Variants in PRKCG observed in about 807,000 individuals in gnomAD.
PRKCG encodes the protein protein kinase C gamma, also known as protein kinase C gamma type.
In PRKCG, 28 loss-of-function variants were observed where a neutral mutation model predicts 82.0. That is an observed-to-expected ratio of 0.34 (90% confidence interval 0.25 to 0.47). The LOEUF (loss-of-function observed/expected upper bound fraction) is 0.47. Among genes scored for constraint, PRKCG ranks in the 20% least tolerant of loss-of-function variants. The pLI, the probability that PRKCG is intolerant of heterozygous loss-of-function variation, is 1.00. For missense variants in PRKCG, 640 were observed against 952.7 expected (o/e 0.67, Z 4.32); for synonymous variants, 383 against 376.6 (o/e 1.02, Z -0.20).
Position 53,900,352 on chromosome 19 carries a change from G to A in PRKCG, c.1373+28G>A. On this transcript the variant is annotated intron_variant, in intron 12 of 17. Transcript: ENST00000263431. This position sits in a 1 kb window ranked among gnomAD's most constrained non-coding sequence, Gnocchi z 4.2. ...GAGTCTCGGCCAACAGAGAATGGTC[G>A]GGGTGGTGGAAGGGGGCAGGATCCA... 1.9e-6 allele frequency: 3 copies of A among 1,613,896 alleles called. No homozygotes were observed. The highest frequency in any genetic ancestry group is 1.7e-6 in the Non-Finnish European group (2 of 1,179,876).
rs764834047 is a variant in PRKCG, at chr19:53,898,004, C to T, written c.985C>T (p.Pro329Ser). 6.2e-7 allele frequency: 1 copy of T among 1,614,170 alleles called. No individual in the cohort carries two copies. The highest frequency in any genetic ancestry group is 2.2e-5 in the East Asian group (1 of 44,860). Residue 329 changes from proline (P) to serine (S), a missense_variant, in exon 10 of 18, where the codon CCT becomes TCT. By Grantham distance (74) the Pro-to-Ser change is moderately conservative. This residue lies in a region of PRKCG where 261 missense variants were observed against 312.1 expected (regional missense o/e 0.84). Transcript: ENST00000263431. The stretch of plus-strand genomic sequence containing the variant: ...TTCCTCTCCCATCCCCTCCCCTTCC[C>T]CTAGTCCCACCGACCCCAAGCGCTG... The part of the protein sequence containing the change: ...PSSSPIPSPS[P>S]SPTDPKRCFF...
chr19:53,887,702 C>T (rs1255413012), intron 3 of PRKCG, among the ~76,000 whole-genome samples: 4 of 150,150 alleles, frequency 2.7e-5, no homozygotes, highest in Admixed American at 1.3e-4. Flanking sequence ...CGGTGGCACG[C>T]GCCTGTAGTC....
rs775116364 is a variant in PRKCG, at chr19:53,884,128, C to T, written c.203-33C>T. The T allele has an allele frequency of 1.2e-6, 2 of 1,608,764 alleles. No homozygotes were observed. Among genetic ancestry groups the T allele is most frequent in the Admixed American group, 1.7e-5 (1 of 60,008 alleles). On this transcript the variant is annotated intron_variant, in intron 2 of 17. Coordinates refer to ENST00000263431, the MANE Select transcript of PRKCG (RefSeq NM_002739.5). The surrounding 1 kb of genome is among the most constrained non-coding windows in gnomAD (Gnocchi z 4.6). Reference sequence around the variant, plus strand: ...GGTCTCCCGCTGGACTAATCCATGCCTCCGTCTGTGTCTCTATGATTTTCA... The same window carrying T: ...GGTCTCCCGCTGGACTAATCCATGCTTCCGTCTGTGTCTCTATGATTTTCA...
rs376704133 is a variant in PRKCG, at chr19:53,893,032, C to A, written c.866C>A (p.Pro289Gln). 4.1e-5 allele frequency: 66 copies of A among 1,613,938 alleles called. No homozygotes were observed. The highest frequency in any genetic ancestry group is 5.3e-5 in the Non-Finnish European group (63 of 1,180,018). The change falls in exon 8 of 18, where the codon CCG becomes CAG. Residue 289 changes from proline (P) to glutamine (Q), a missense_variant. Coordinates refer to ENST00000263431, the MANE Select transcript of PRKCG (RefSeq NM_002739.5). ...NQEEGEYYNV[P>Q]VADADNCSLL... ...GAGGAGGGCGAGTATTACAATGTGC[C>A]GGTGGCCGATGCTGACAACTGCAGC...
At chr19:53,903,192 G>C in intron 15 of PRKCG, 39 bp downstream of exon 15, 1 of 1,527,630 alleles carries the variant, frequency 6.5e-7, no homozygotes, top group Non-Finnish European at 9.1e-7. Flanking sequence ...GGCTAAAAGA[G>C]ACAGAGAGGG....
At position 53,892,926 on chromosome 19, in the gene PRKCG, T is replaced by G. The variant is rs2068690256; in HGVS notation, c.822-62T>G. ...TGTCTCTTTCCTCCCTTCCAATGTCTTTGCCTCTCCCATGGGTGCCCCATC... is the reference window on the plus strand; with the variant it reads ...TGTCTCTTTCCTCCCTTCCAATGTCGTTGCCTCTCCCATGGGTGCCCCATC... On this transcript the variant is annotated intron_variant, in intron 7 of 17. Coordinates refer to ENST00000263431, the MANE Select transcript of PRKCG (RefSeq NM_002739.5). This position sits in a 1 kb window ranked among gnomAD's most constrained non-coding sequence, Gnocchi z 5.9. 4.8e-6 allele frequency: 7 copies of G among 1,466,588 alleles called. No individual in the cohort carries two copies. The highest frequency in any genetic ancestry group is 9.5e-7 in the Non-Finnish European group (1 of 1,050,494). The allele number at this position is 1,466,588 out of a possible 1,614,324, so 90.8% of individuals were successfully genotyped here. A position where few individuals can be genotyped will look rare whatever the true frequency, so the allele number is the denominator to read the frequency against.
intron 9 of PRKCG, among the ~76,000 whole-genome samples, chr19:53,897,278 A>G (rs1347078968): frequency 1.3e-5 from 2 of 152,176 alleles, no homozygotes; most frequent in African/African-American, 2.4e-5. Context: ...AATGCATTAG[A>G]AAGGGCAGCC....
intron 10 of PRKCG, 28 bp downstream of exon 10, chr19:53,898,139 G>A: frequency 6.2e-7 from 1 of 1,612,720 alleles, no homozygotes; most frequent in Non-Finnish European, 8.5e-7. Context: ...CTGGGGGAAA[G>A]GGAGGATGTC....
chr19:53,898,784 G>GGGGA (rs1354718499), intron 11 of PRKCG, among the ~76,000 whole-genome samples, 156 bp downstream of exon 11: 12 of 137,532 alleles, frequency 8.7e-5, no homozygotes, highest in African/African-American at 3.1e-4. Flanking sequence ...GGCGTGGCCG[G>GGGGA]GGGGGGGTCC....
chr19:53,884,464 G>A lies in PRKCG; in HGVS notation c.285+221G>A, dbSNP rs535774839. 6.6e-6 allele frequency among the ~76,000 whole-genome samples: 1 copy of A among 152,268 alleles called. No homozygotes were observed. The highest frequency in any genetic ancestry group is 2.1e-4 in the South Asian group (1 of 4,824). On this transcript the variant is annotated intron_variant, in intron 3 of 17. Coordinates refer to ENST00000263431, the MANE Select transcript of PRKCG (RefSeq NM_002739.5). The surrounding 1 kb of genome is among the most constrained non-coding windows in gnomAD (Gnocchi z 4.6). ...GACACGGGTGGGGCACAGAGAGGAG[G>A]CCGGGGTGAGGAGACTGAAGATGGG...
Position 53,900,320 on chromosome 19 carries a change from G to T in PRKCG, c.1369G>T (p.Ala457Ser), listed in dbSNP as rs2068753423. Residue 457 changes from alanine to serine, a missense_variant, in exon 12 of 18, where the codon GCA becomes TCA. Physicochemically the swap from Ala to Ser is moderately conservative, Grantham distance 99. Around this residue, in one of 7 missense-constraint regions of PRKCG, gnomAD observed 78 missense variants for 105.6 expected, o/e 0.74. Transcript: ENST00000263431. This position sits in a 1 kb window ranked among gnomAD's most constrained non-coding sequence, Gnocchi z 4.2. ...GCTGGGCAAGTTTAAGGAGCCCCATGCAGCGTGAGTCTCGGCCAACAGAGA... is the reference window on the plus strand; with the variant it reads ...GCTGGGCAAGTTTAAGGAGCCCCATTCAGCGTGAGTCTCGGCCAACAGAGA... Reference protein sequence around the residue: ...QQLGKFKEPHAAFYAAEIAIG... With the variant: ...QQLGKFKEPHSAFYAAEIAIG... The T allele has an allele frequency of 6.2e-7, 1 of 1,613,992 alleles. No homozygotes were observed. The highest frequency in any genetic ancestry group is 1.7e-5 in the Admixed American group (1 of 59,988).
chr19:53,904,190 G>T (rs927871042), intron 15 of PRKCG, among the ~76,000 whole-genome samples: 6 of 152,002 alleles, frequency 3.9e-5, no homozygotes, highest in Non-Finnish European at 5.9e-5. Context: ...GAGGTCAGGA[G>T]TTTGAGACCA....
At chr19:53,893,500 A>G in intron 9 of PRKCG, 109 bp downstream of exon 9, 3 of 1,230,096 alleles carry the variant, frequency 2.4e-6, no homozygotes, top group South Asian at 1.2e-5. Context: ...TTGAGCACAC[A>G]TTTGTGCTAG....
rs1427504371 is a variant in PRKCG at position 53,883,219 on chromosome 19, T to C, written c.202+25T>C. The C allele has an allele frequency of 1.2e-6, 2 of 1,613,338 alleles. No homozygotes were observed. The highest frequency in any genetic ancestry group is 2.7e-5 in the African/African-American group (2 of 74,836). ...GGTAAGAGCTGGGGACCGGGGCTCC[T>C]GGGACCCTCAGGAGGGTGGAGGCTG... On this transcript the variant is annotated intron_variant, in intron 2 of 17. Transcript: ENST00000263431. This position sits in a 1 kb window ranked among gnomAD's most constrained non-coding sequence, Gnocchi z 5.4.
Position 53,906,818 on chromosome 19 carries a change from T to G in PRKCG, c.2017T>G (p.Phe673Val). 5 of 1,613,772 alleles carry G rather than the reference T, an allele frequency of 3.1e-6. No homozygotes were observed. The highest frequency in any genetic ancestry group is 4.2e-6 in the Non-Finnish European group (5 of 1,180,002). Residue 673 changes from phenylalanine to valine, a missense_variant, in exon 18 of 18, where the codon TTC becomes GTC. Coordinates refer to ENST00000263431, the MANE Select transcript of PRKCG (RefSeq NM_002739.5). ...CATCGACCAGGCCGATTTCCAGGGC[T>G]TCACCTACGTGAACCCCGACTTCGT... ...ASIDQADFQG[F>V]TYVNPDFVHP...
chr19:53,892,412 G>C lies in PRKCG; in HGVS notation c.687-97G>C, dbSNP rs2068683072. ...CCGACAAAGCAGGAGAGGAGCCCCAGCTGGCTGGGTTTGCCCCCACCTCCA... is the reference window on the plus strand; with the variant it reads ...CCGACAAAGCAGGAGAGGAGCCCCACCTGGCTGGGTTTGCCCCCACCTCCA... On this transcript the variant is annotated intron_variant, in intron 6 of 17. Transcript: ENST00000263431. The surrounding 1 kb of genome is among the most constrained non-coding windows in gnomAD (Gnocchi z 5.9). The C allele has an allele frequency of 1.3e-6, 2 of 1,530,698 alleles. No homozygotes were observed. Among genetic ancestry groups the C allele is most frequent in the Admixed American group, 3.9e-5 (2 of 51,784 alleles). The allele number at this position is 1,530,698 out of a possible 1,614,324, so 94.8% of individuals were successfully genotyped here.
chr19:53,895,453 A>C (rs2068710810), intron 9 of PRKCG, among the ~76,000 whole-genome samples: 1 of 146,056 alleles, frequency 6.8e-6, no homozygotes, highest in South Asian at 2.2e-4. Context: ...GCTCCACTGC[A>C]CTCCAGCCTG....
At chr19:53,893,149 C>T in intron 8 of PRKCG, 74 bp downstream of exon 8, 2 of 1,418,634 alleles carry the variant, frequency 1.4e-6, no homozygotes, top group Non-Finnish European at 2.0e-6. Flanking sequence ...TTCCTTCCAC[C>T]CCTGAGTGCC....
At position 53,893,348 on chromosome 19, in the gene PRKCG, T is replaced by C. The variant is rs2068694247; in HGVS notation, c.910-14T>C. On this transcript the variant is annotated splice_polypyrimidine_tract_variant and intron_variant, in intron 8 of 17. Coordinates refer to ENST00000263431, the MANE Select transcript of PRKCG (RefSeq NM_002739.5). ...ATCTCTTGGGACCCTGACTCTCTCT[T>C]TCTTTTCTCCCAGGCTTGTAACTAC... 1 of 1,612,810 alleles carries C rather than the reference T, an allele frequency of 6.2e-7. No homozygotes were observed. Among genetic ancestry groups the C allele is most frequent in the Non-Finnish European group, 8.5e-7 (1 of 1,178,802 alleles).
Sources: gnomAD v4.1 joint callset for allele counts (sites outside exome capture counted in the v4.1 genomes callset) on GRCh38, gnomAD v4.1.1 for gene constraint, gnomAD v4.1.1 regional missense constraint, Gnocchi (gnomAD v3.1) non-coding constraint, MANE v1.5 for transcripts, NCBI Gene and HGNC (gene_info 2026-07-23, HGNC 2026-07-21) for gene names.